The following MCC variants were observed in gnomAD, a reference collection of about 807,000 sequenced individuals.
The protein encoded by MCC is colorectal mutant cancer protein.
Under a neutral mutation model 116.2 loss-of-function variants are expected in MCC, and 90 were observed. The observed-to-expected ratio is 0.77, with a 90% confidence interval of 0.65 to 0.92. The LOEUF is 0.92. Among genes scored for constraint, MCC ranks in the 40% least tolerant of loss-of-function variants. The probability of loss-of-function intolerance (pLI) is 0.00; values close to 1 mark genes in which losing one functional copy is unlikely to be tolerated. For missense variants in MCC, 1,516 were observed against 1,312.2 expected, an observed-to-expected ratio of 1.16 and a Z score of -2.40; for synonymous variants, 578 against 510.5, an observed-to-expected ratio of 1.13 and a Z score of -1.78.
intron 3 of MCC, among the ~76,000 whole-genome samples, chr5:113,315,704 CAAAAAA>C (rs35274366): frequency 1.7e-4 from 11 of 64,466 alleles, no homozygotes; most frequent in South Asian, 6.6e-4. Context: ...CCCATCTCTA[CAAAAAA>C]AAAAAAAAAA....
At chr5:113,364,238 GAAAAA>G (rs60976854) in intron 2 of MCC, among the ~76,000 whole-genome samples, 3 of 49,424 alleles carry the variant, frequency 6.1e-5, no homozygotes, top group African/African-American at 2.2e-4. Flanking sequence ...CTCAAAAACA[GAAAAA>G]AAAAAAAAAA....
intron 3 of MCC, among the ~76,000 whole-genome samples, chr5:113,283,282 G>C (rs961862421): frequency 2.6e-5 from 4 of 152,170 alleles, no homozygotes; most frequent in Non-Finnish European, 5.9e-5. Context: ...AGGACTAAGG[G>C]ATTGATAATC....
At chr5:113,390,893 T>C (rs1247621900) in intron 1 of MCC, among the ~76,000 whole-genome samples, 1 of 152,182 alleles carries the variant, frequency 6.6e-6, no homozygotes, top group Non-Finnish European at 1.5e-5. Flanking sequence ...TAAAAACTTA[T>C]TTTGCCCCAA....
chr5:113,114,404 C>A (rs1757277690), intron 6 of MCC, among the ~76,000 whole-genome samples: 1 of 152,154 alleles, frequency 6.6e-6, no homozygotes, highest in Non-Finnish European at 1.5e-5. Flanking sequence ...AAATGATCAC[C>A]AAGTACACAG....
At chr5:113,428,253 T>C (rs540002024) in intron 1 of MCC, among the ~76,000 whole-genome samples, 120 of 152,118 alleles carry the variant, frequency 7.9e-4, no homozygotes, top group African/African-American at 2.7e-3. Context: ...TAGAAGAACG[T>C]CAATAGATTT....
chr5:113,037,935 G>A (rs1432275137), intron 17 of MCC, among the ~76,000 whole-genome samples: 1 of 152,180 alleles, frequency 6.6e-6, no homozygotes, highest in Non-Finnish European at 1.5e-5. Context: ...AATCTTGAGT[G>A]CCAAGGCACT....
At chr5:113,198,621 T>TAAGA (rs1762538771) in intron 3 of MCC, among the ~76,000 whole-genome samples, 1 of 151,138 alleles carries the variant, frequency 6.6e-6, no homozygotes, top group Non-Finnish European at 1.5e-5. Context: ...GGAGGATCTC[T>TAAGA]TGAGCCTGGG....
intron 3 of MCC, among the ~76,000 whole-genome samples, chr5:113,315,839 C>CT (rs978262844): frequency 2.0e-5 from 3 of 151,992 alleles, no homozygotes; most frequent in African/African-American, 7.3e-5. Flanking sequence ...GATCACACCA[C>CT]TGCGCTCCAG....
intron 3 of MCC, among the ~76,000 whole-genome samples, chr5:113,179,425 T>G (rs934906990): frequency 6.6e-6 from 1 of 152,232 alleles, no homozygotes; most frequent in Admixed American, 6.5e-5. Flanking sequence ...CTTCAGGCAG[T>G]GCTCAGTACT....
At chr5:113,084,326 A>G (rs1755055750) in intron 9 of MCC, 136 bp from the exon 10 acceptor site, 1 of 667,068 alleles carries the variant, frequency 1.5e-6, no homozygotes, top group Non-Finnish European at 2.6e-6. Context: ...GCTCACGTCC[A>G]ATTTTTCTAC....
At chr5:113,153,736 T>C (rs1760016912) in intron 3 of MCC, among the ~76,000 whole-genome samples, 1 of 152,242 alleles carries the variant, frequency 6.6e-6, no homozygotes, top group Non-Finnish European at 1.5e-5. Flanking sequence ...AAGAAACATC[T>C]GGACTTGATG....
At chr5:113,072,787 G>A (rs966197655) in intron 11 of MCC, among the ~76,000 whole-genome samples, 2 of 152,198 alleles carry the variant, frequency 1.3e-5, no homozygotes, top group South Asian at 2.1e-4. Context: ...GGTATGCTCC[G>A]CTGGCTCACA....
intron 14 of MCC, among the ~76,000 whole-genome samples, chr5:113,062,908 C>A (rs1385018501): frequency 7.9e-5 from 12 of 152,176 alleles, no homozygotes; most frequent in Admixed American, 7.9e-4. Flanking sequence ...AAGAAAGCAT[C>A]AGTATTTCTC....
intron 5 of MCC, among the ~76,000 whole-genome samples, chr5:113,131,818 G>A (rs1441989306): frequency 6.6e-6 from 1 of 152,162 alleles, no homozygotes; most frequent in Admixed American, 6.5e-5. Flanking sequence ...GAATCTGAGA[G>A]GTAGTTCCCA....
rs367549419 is a variant in MCC, at chr5:113,219,544, G to A, written c.628-68122C>T. On this transcript the variant is annotated intron_variant, in intron 3 of 18. Coordinates refer to ENST00000408903, the MANE Select transcript of MCC (RefSeq NM_001085377.2). The stretch of plus-strand genomic sequence containing the variant: ...TCAAAAATAGATGATTTTGTATTAC[G>A]TTAGTAATAGTATATTATTGATAGT... Among the ~76,000 whole-genome samples, 34 of 152,236 alleles carry A rather than the reference G, an allele frequency of 2.2e-4. 3 individuals carry two copies. The highest frequency in any genetic ancestry group is 7.2e-4 in the Admixed American group (11 of 15,300).
chr5:113,488,341 CTG>C lies in MCC; in HGVS notation c.72_73del (p.Ser24ArgfsTer35), dbSNP rs1491500958. 1.8e-5 allele frequency: 27 copies of C among 1,485,546 alleles called. 1 individual carries two copies. Among genetic ancestry groups the C allele is most frequent in the Middle Eastern group, 3.5e-4 (2 of 5,670 alleles). The allele number at this position is 1,485,546 out of a possible 1,614,324, so 92.0% of individuals were successfully genotyped here. On this transcript the variant is annotated frameshift_variant, in exon 1 of 19. Coordinates refer to ENST00000408903, the MANE Select transcript of MCC (RefSeq NM_001085377.2). LOFTEE classifies it high-confidence loss of function. ...GCTGGACGTGTCGCTGCTGCTGCTG[CTG>C]CTGCCGCTGCCGCCGCCGCCGCCGC...
At chr5:113,442,346 GTTGT>G (rs1771066115) in intron 1 of MCC, among the ~76,000 whole-genome samples, 1 of 151,996 alleles carries the variant, frequency 6.6e-6, no homozygotes, top group South Asian at 2.1e-4. Context: ...TTTTGATGGG[GTTGT>G]TTTTTTCTTG....
chr5:113,340,275 G>A (rs1230890739), intron 3 of MCC, among the ~76,000 whole-genome samples: 1 of 152,166 alleles, frequency 6.6e-6, no homozygotes, highest in African/African-American at 2.4e-5. Flanking sequence ...AATTAAACCT[G>A]TGCAAGTTAC....
chr5:113,412,510 G>A (rs936155196), intron 1 of MCC, among the ~76,000 whole-genome samples: 4 of 152,104 alleles, frequency 2.6e-5, no homozygotes, highest in African/African-American at 9.7e-5. Context: ...TGGATTCCTA[G>A]GTATTTTATT....
Sources: gnomAD v4.1 joint callset for allele counts (sites outside exome capture counted in the v4.1 genomes callset) on GRCh38, gnomAD v4.1.1 for gene constraint, MANE v1.5 for transcripts, NCBI Gene and HGNC (gene_info 2026-07-23, HGNC 2026-07-21) for gene names.